The following UPP2 variants were observed in gnomAD, a reference collection of about 807,000 sequenced individuals.
UPP2 encodes the protein UPase 2.
A neutral mutation model predicts 26.7 loss-of-function variants in UPP2; 23 were observed. That is an observed-to-expected ratio of 0.86 (90% confidence interval 0.62 to 1.22). The LOEUF (loss-of-function observed/expected upper bound fraction) is 1.22. Among genes scored for constraint, UPP2 ranks in the 50% most tolerant of loss-of-function variants. The pLI is 0.00. For missense variants in UPP2, 387 were observed against 396.7 expected (o/e 0.98, Z 0.21); for synonymous variants, 127 against 141.3 (o/e 0.90, Z 0.72).
chr2:158,090,192 T>G (rs1330142178), intron 3 of UPP2, among the ~76,000 whole-genome samples: 1 of 152,180 alleles, frequency 6.6e-6, no homozygotes, highest in Non-Finnish European at 1.5e-5. Context: ...TATTACACAT[T>G]GTGTGCCTGT....
At chr2:158,024,706 T>G (rs1303752950) in intron 3 of UPP2, among the ~76,000 whole-genome samples, 1 of 152,086 alleles carries the variant, frequency 6.6e-6, no homozygotes, top group African/African-American at 2.4e-5. Flanking sequence ...GGTTTCCACA[T>G]CAGACCCCAG....
At chr2:158,120,185 T>C (rs943101199) in intron 4 of UPP2, among the ~76,000 whole-genome samples, 21 of 151,968 alleles carry the variant, frequency 1.4e-4, no homozygotes, top group Non-Finnish European at 2.6e-4. Context: ...CTATACTCTA[T>C]AGAAAGGATT....
At chr2:158,065,053 A>G (rs1297007535) in intron 3 of UPP2, among the ~76,000 whole-genome samples, 1 of 152,140 alleles carries the variant, frequency 6.6e-6, no homozygotes, top group Non-Finnish European at 1.5e-5. Flanking sequence ...TCCGGTCTGC[A>G]GCTCCCAGTG....
In UPP2 at chr2:158,114,787, G is replaced by T. The variant is rs182482617; in HGVS notation, c.181-314G>T. On this transcript the variant is annotated intron_variant, in intron 2 of 6. Transcript: ENST00000005756. ...TCATGGTAATGCTCAACAATAGGCT[G>T]TCTATGTCAATTTAAGATGCTGGTT... Among the ~76,000 whole-genome samples, 96 of 152,290 alleles carry T rather than the reference G, an allele frequency of 6.3e-4. 1 individual carries two copies. Among genetic ancestry groups the T allele is most frequent in the African/African-American group, 2.0e-3 (85 of 41,572 alleles).
At chr2:158,041,186 AT>A (rs569665038) in intron 3 of UPP2, among the ~76,000 whole-genome samples, 2 of 152,016 alleles carry the variant, frequency 1.3e-5, no homozygotes, top group East Asian at 3.9e-4. Flanking sequence ...AACAAGAAGC[AT>A]TTTTTTTACA....
At chr2:158,016,126 A>T (rs991568835) in intron 3 of UPP2, among the ~76,000 whole-genome samples, 20 of 135,270 alleles carry the variant, frequency 1.5e-4, no homozygotes, top group African/African-American at 5.6e-4. Context: ...ACACTTGTTT[A>T]AAAAAAAAAA....
At chr2:158,070,518 G>C (rs75238510) in intron 3 of UPP2, among the ~76,000 whole-genome samples, 1 of 152,196 alleles carries the variant, frequency 6.6e-6, no homozygotes, top group Non-Finnish European at 1.5e-5. Context: ...TCAGAACCCT[G>C]GTATTCTGAC....
At chr2:158,064,375 G>A (rs1057359756) in intron 3 of UPP2, among the ~76,000 whole-genome samples, 1 of 151,222 alleles carries the variant, frequency 6.6e-6, no homozygotes, top group South Asian at 2.1e-4. Context: ...TCATATGTTT[G>A]TTGGCCACAT....
intron 5 of UPP2, among the ~76,000 whole-genome samples, chr2:158,122,164 G>A (rs951066102): frequency 2.0e-5 from 3 of 151,920 alleles, no homozygotes; most frequent in Non-Finnish European, 2.9e-5. Flanking sequence ...TGCTACTAGG[G>A]ATGAAGGGCC....
chr2:158,093,293 C>T, intron 3 of UPP2, among the ~76,000 whole-genome samples: 1 of 151,200 alleles, frequency 6.6e-6, no homozygotes. Flanking sequence ...CACACACACA[C>T]ACACACACAC....
intron 3 of UPP2, among the ~76,000 whole-genome samples, chr2:158,020,319 T>C (rs1202504419): frequency 1.3e-5 from 2 of 152,198 alleles, no homozygotes; most frequent in Non-Finnish European, 2.9e-5. Context: ...TCCAGCTCTT[T>C]CTTCAGAAGG....
At chr2:158,089,382 G>C (rs561577074) in intron 3 of UPP2, among the ~76,000 whole-genome samples, 51 of 152,272 alleles carry the variant, frequency 3.3e-4, no homozygotes, top group Admixed American at 1.5e-3. Flanking sequence ...GCAGGGCTGA[G>C]AACTTGCCCC....
chr2:158,079,569 T>G (rs73005492), intron 3 of UPP2, among the ~76,000 whole-genome samples: 2,474 of 152,172 alleles, frequency 0.016, 76 homozygotes, highest in African/African-American at 0.057. Flanking sequence ...TTAGCCAAAT[T>G]TAGAAAAATT....
At chr2:158,100,096 G>T (rs902935187), upstream of UPP2, among the ~76,000 whole-genome samples, 21 of 152,214 alleles carry the variant, frequency 1.4e-4, no homozygotes, top group African/African-American at 5.1e-4. Context: ...CATAAGAGCA[G>T]GATCGAGTCT....
intron 3 of UPP2, among the ~76,000 whole-genome samples, chr2:158,064,225 G>A (rs1016326150): frequency 2.6e-5 from 4 of 152,198 alleles, no homozygotes; most frequent in Non-Finnish European, 5.9e-5. Context: ...GTGTAAAAGT[G>A]TTTCTATTTC....
intron 3 of UPP2, among the ~76,000 whole-genome samples, chr2:158,058,328 G>T (rs1280047620): frequency 4.3e-5 from 5 of 116,428 alleles, no homozygotes; most frequent in Admixed American, 2.7e-4. Context: ...AAAAAAAGAA[G>T]AAGAAGAAGA....
At chr2:158,045,307 G>A (rs1323128014) in intron 3 of UPP2, among the ~76,000 whole-genome samples, 2 of 152,178 alleles carry the variant, frequency 1.3e-5, no homozygotes, top group Non-Finnish European at 2.9e-5. Flanking sequence ...TGAAAGGATG[G>A]TAAGATGCAG....
chr2:158,083,705 TA>T (rs969680304), intron 3 of UPP2, among the ~76,000 whole-genome samples: 104 of 149,902 alleles, frequency 6.9e-4, no homozygotes, highest in African/African-American at 2.3e-3. Flanking sequence ...AAAGTATAAT[TA>T]AAAAAAAATA....
chr2:158,067,370 CAAAA>C (rs113444405), intron 3 of UPP2, among the ~76,000 whole-genome samples: 1 of 108,794 alleles, frequency 9.2e-6, no homozygotes, highest in Non-Finnish European at 2.1e-5. Flanking sequence ...CATTTATCAT[CAAAA>C]AAAAAAAAAA....
Sources: allele counts gnomAD v4.1 joint callset (sites outside exome capture counted in the v4.1 genomes callset), GRCh38; gene constraint gnomAD v4.1.1; transcripts MANE v1.5; gene names NCBI Gene and HGNC (gene_info 2026-07-23, HGNC 2026-07-21).